ZNF892: variants seen among roughly 807,000 people sequenced by gnomAD.
The protein encoded by ZNF892 is zinc finger protein 892, also known as zinc finger protein 570-like.
chr2:95,216,701 A>G, the ZNF892 span, among the ~76,000 whole-genome samples: 1 of 152,276 alleles, frequency 6.6e-6, no homozygotes, highest in East Asian at 1.9e-4. Context: ...AAGTTATACT[A>G]TGATGTATCT....
At chr2:95,250,500 T>C in the ZNF892 span, among the ~76,000 whole-genome samples, 1 of 149,182 alleles carries the variant, frequency 6.7e-6, no homozygotes, top group Non-Finnish European at 1.5e-5. Context: ...GTAATAAATG[T>C]TTATTATTTG....
chr2:95,217,680 A>AG, the ZNF892 span, among the ~76,000 whole-genome samples: 1 of 152,236 alleles, frequency 6.6e-6, no homozygotes, highest in Admixed American at 6.5e-5. Flanking sequence ...AAACTTAGCA[A>AG]GGCAAATTCC....
chr2:95,229,564 A>G, the ZNF892 span, among the ~76,000 whole-genome samples: 1 of 152,140 alleles, frequency 6.6e-6, no homozygotes, highest in Non-Finnish European at 1.5e-5. Flanking sequence ...CCTGTAGTAT[A>G]TACTCCTTTG....
the ZNF892 span, among the ~76,000 whole-genome samples, chr2:95,222,718 C>G: frequency 6.6e-6 from 1 of 151,188 alleles, no homozygotes; most frequent in Admixed American, 6.6e-5. Context: ...TCTTTTTATT[C>G]TCTTTTATTC....
the ZNF892 span, among the ~76,000 whole-genome samples, chr2:95,213,368 A>G: frequency 1.8e-3 from 279 of 152,302 alleles, 2 homozygotes; most frequent in African/African-American, 6.5e-3. Flanking sequence ...ACTGTATTGT[A>G]TTAATTTATT....
chr2:95,217,816 T>A, the ZNF892 span, among the ~76,000 whole-genome samples: 3 of 152,162 alleles, frequency 2.0e-5, no homozygotes, highest in Non-Finnish European at 4.4e-5. Context: ...CTCCTAAGCC[T>A]CTGCAGGACA....
the ZNF892 span, among the ~76,000 whole-genome samples, chr2:95,225,884 A>G: frequency 1.9e-3 from 287 of 152,332 alleles, no homozygotes; most frequent in Non-Finnish European, 2.9e-3. Flanking sequence ...GACATTTGCA[A>G]TGCAAAAAGG....
chr2:95,250,904 CAT>C, the ZNF892 span, among the ~76,000 whole-genome samples: 1 of 146,566 alleles, frequency 6.8e-6, no homozygotes, highest in Non-Finnish European at 1.5e-5. Flanking sequence ...CTTAAATAAA[CAT>C]TGACGTCAAT....
At chr2:95,217,958 G>C in the ZNF892 span, among the ~76,000 whole-genome samples, 3 of 152,168 alleles carry the variant, frequency 2.0e-5, no homozygotes, top group East Asian at 3.9e-4. Flanking sequence ...TTTCTTGAAG[G>C]ATAACACATA....
At chr2:95,260,125 G>T in the ZNF892 span, among the ~76,000 whole-genome samples, 3 of 152,168 alleles carry the variant, frequency 2.0e-5, no homozygotes, top group African/African-American at 7.2e-5. Flanking sequence ...CCTTTTTCCA[G>T]CTGGCCCATG....
At chr2:95,224,038 A>G in the ZNF892 span, among the ~76,000 whole-genome samples, 3 of 152,362 alleles carry the variant, frequency 2.0e-5, no homozygotes, top group East Asian at 3.9e-4. Flanking sequence ...TGAGGACACA[A>G]TGAAAAGACA....
chr2:95,256,780 AT>A, the ZNF892 span, among the ~76,000 whole-genome samples: 1 of 151,510 alleles, frequency 6.6e-6, no homozygotes, highest in African/African-American at 2.4e-5. Context: ...TCTTTTTATT[AT>A]TTTTTCTCTA....
chr2:95,238,587 C>A, the ZNF892 span, among the ~76,000 whole-genome samples: 13 of 152,206 alleles, frequency 8.5e-5, no homozygotes, highest in Non-Finnish European at 1.6e-4. Context: ...TTAAGAAACA[C>A]ATTTCGTAAG....
At chr2:95,224,141 ATTG>A in the ZNF892 span, among the ~76,000 whole-genome samples, 2 of 152,208 alleles carry the variant, frequency 1.3e-5, no homozygotes, top group African/African-American at 4.8e-5. Flanking sequence ...GAAATCATTT[ATTG>A]TTGTTTATAA....
At chr2:95,235,226 G>A in the ZNF892 span, among the ~76,000 whole-genome samples, 3 of 152,214 alleles carry the variant, frequency 2.0e-5, no homozygotes, top group Middle Eastern at 3.2e-3. Flanking sequence ...AGTTCAGAAG[G>A]CATCCAGTCA....
the ZNF892 span, among the ~76,000 whole-genome samples, chr2:95,236,876 T>C: frequency 6.6e-6 from 1 of 152,226 alleles, no homozygotes; most frequent in Admixed American, 6.5e-5. Flanking sequence ...TTATGACTGA[T>C]TATATGGACA....
At chr2:95,219,165 A>G in the ZNF892 span, among the ~76,000 whole-genome samples, 2 of 143,664 alleles carry the variant, frequency 1.4e-5, no homozygotes, top group Non-Finnish European at 3.1e-5. Flanking sequence ...TGCCCGGCTA[A>G]TTTTTTTTTT....
the ZNF892 span, among the ~76,000 whole-genome samples, chr2:95,238,307 G>A: frequency 6.6e-6 from 1 of 152,178 alleles, no homozygotes; most frequent in Non-Finnish European, 1.5e-5. Context: ...AGCATTGTGT[G>A]AAATCTACTC....
chr2:95,234,403 T>C, the ZNF892 span, among the ~76,000 whole-genome samples: 1 of 152,240 alleles, frequency 6.6e-6, no homozygotes, highest in Non-Finnish European at 1.5e-5. Flanking sequence ...TCTAAGACCT[T>C]CATTTCAGAG....
Sources: allele counts gnomAD v4.1 joint callset (sites outside exome capture counted in the v4.1 genomes callset), GRCh38; gene constraint gnomAD v4.1.1; transcripts MANE v1.5; gene names NCBI Gene and HGNC (gene_info 2026-07-23, HGNC 2026-07-21).